ATG13: variants seen among roughly 807,000 people sequenced by gnomAD.
ATG13 encodes the protein autophagy related 13, also known as autophagy-related protein 13.
ATG13 carries 23 observed loss-of-function variants against 65.5 expected under a neutral mutation model. The ratio of observed to expected loss-of-function variants is 0.35; its 90% CI spans 0.25 to 0.50. The LOEUF (loss-of-function observed/expected upper bound fraction) is 0.50, where lower values mean the gene tolerates loss of function less well. Among genes scored for constraint, ATG13 ranks in the 20% least tolerant of loss-of-function variants. The pLI, the probability that ATG13 is intolerant of heterozygous loss-of-function variation, is 0.98. For missense variants in ATG13, 566 were observed against 677.0 expected (o/e 0.84, Z 1.82); for synonymous variants, 252 against 245.2 (o/e 1.03, Z -0.26).
chr11:46,633,537 G>A lies in ATG13; in HGVS notation c.-14+3437G>A, dbSNP rs186271137. 7.3e-3 allele frequency among the ~76,000 whole-genome samples: 1,102 copies of A among 151,894 alleles called. 22 individuals are homozygous for A. Among genetic ancestry groups the A allele is most frequent in the African/African-American group, 0.026 (1,071 of 41,450 alleles). Reference sequence around the variant, plus strand: ...TAATTTTGTATTTTTAGTAGAGACGGGGTTTCGCCGTGTTGGTCAGGCTGG... The same window carrying A: ...TAATTTTGTATTTTTAGTAGAGACGAGGTTTCGCCGTGTTGGTCAGGCTGG... On this transcript the variant is annotated intron_variant, in intron 2 of 18. Coordinates refer to ENST00000683050, the MANE Select transcript of ATG13 (RefSeq NM_001346311.2).
At chr11:46,622,638 C>T (rs1388719095) in intron 1 of ATG13, among the ~76,000 whole-genome samples, 1 of 152,134 alleles carries the variant, frequency 6.6e-6, no homozygotes, top group Non-Finnish European at 1.5e-5. Context: ...TCCATGGTGT[C>T]TGCTGAATCA....
At chr11:46,664,133 G>A (rs750527627) in intron 12 of ATG13, 38 bp downstream of exon 12, 3 of 1,381,546 alleles carry the variant, frequency 2.2e-6, no homozygotes, top group South Asian at 1.2e-5. Context: ...ATAATCAGAT[G>A]GCATCCTTTT....
intron 7 of ATG13, among the ~76,000 whole-genome samples, chr11:46,655,991 G>A (rs2059972843): frequency 6.6e-6 from 1 of 152,156 alleles, no homozygotes; most frequent in Admixed American, 6.6e-5. Context: ...GAAGTGCTGG[G>A]ATCACAGGCA....
At chr11:46,622,092 T>C (rs2047757883) in intron 1 of ATG13, among the ~76,000 whole-genome samples, 1 of 50,322 alleles carries the variant, frequency 2.0e-5, no homozygotes, top group East Asian at 5.8e-4. Context: ...TATATATATA[T>C]ATATATATAT....
chr11:46,644,246 A>G (rs747191082), intron 2 of ATG13, 33 bp from the exon 3 acceptor site: 4 of 1,460,880 alleles, frequency 2.7e-6, no homozygotes, highest in Admixed American at 3.9e-5. Context: ...TTTTAAAGAT[A>G]TTAGTCATAT....
Position 46,669,608 on chromosome 11 carries a change from A to T in ATG13, c.1575+76A>T, listed in dbSNP as rs994117364. 4.0e-6 allele frequency: 6 copies of T among 1,499,182 alleles called. No homozygotes were observed. The African/African-American group carries it at 8.4e-5, about 21-fold the overall frequency. 92.9% of individuals were successfully genotyped at this position (1,499,182 alleles called of 1,614,324 possible). A position where few individuals can be genotyped will look rare whatever the true frequency, so the allele number is the denominator to read the frequency against. ...CCTTTGCCAAAGGCCTAGGAGGCCTACCACCTTCTATCTTCCCTGTAATAG... is the reference window on the plus strand; with the variant it reads ...CCTTTGCCAAAGGCCTAGGAGGCCTTCCACCTTCTATCTTCCCTGTAATAG... On this transcript the variant is annotated intron_variant, in intron 18 of 18. Coordinates refer to ENST00000683050, the MANE Select transcript of ATG13 (RefSeq NM_001346311.2).
chr11:46,617,615 G>A lies in ATG13; in HGVS notation c.-345G>A. On this transcript the variant is annotated 5_prime_UTR_variant, in exon 1 of 19. Coordinates refer to ENST00000683050, the MANE Select transcript of ATG13 (RefSeq NM_001346311.2). ...TGGCGGCGCCGGGAAGCGACCGGCT[G>A]CTGGGCTTAAGGCGGGAGTGACCGC... is the stretch of plus-strand genomic sequence containing the variant. 1 of 348,402 alleles carries A rather than the reference G, an allele frequency of 2.9e-6. No individual in the cohort carries two copies. Among genetic ancestry groups the A allele is most frequent in the Non-Finnish European group, 5.1e-6 (1 of 197,078 alleles). The allele number at this position is 348,402 out of a possible 1,614,324, so 21.6% of individuals were successfully genotyped here. A position where few individuals can be genotyped will look rare whatever the true frequency, so the allele number is the denominator to read the frequency against.
chr11:46,636,159 G>A (rs192670348), intron 2 of ATG13, among the ~76,000 whole-genome samples: 2 of 152,106 alleles, frequency 1.3e-5, no homozygotes, highest in Non-Finnish European at 2.9e-5. Flanking sequence ...TGATCACGGT[G>A]GACTATCCTG....
intron 7 of ATG13, among the ~76,000 whole-genome samples, chr11:46,653,479 T>C (rs1409950906): frequency 6.6e-6 from 1 of 152,004 alleles, no homozygotes; most frequent in African/African-American, 2.4e-5. Flanking sequence ...CAGCTACATT[T>C]CTTTTCTTTC....
intron 2 of ATG13, among the ~76,000 whole-genome samples, chr11:46,636,860 G>C (rs903134933): frequency 4.6e-5 from 7 of 151,748 alleles, no homozygotes; most frequent in African/African-American, 7.3e-5. Flanking sequence ...CCCGAGTAGC[G>C]GGGACTACAG....
intron 2 of ATG13, among the ~76,000 whole-genome samples, chr11:46,631,176 A>ATATG (rs777435926): frequency 2.6e-5 from 4 of 152,164 alleles, no homozygotes; most frequent in East Asian, 1.9e-4. Context: ...GTAGAACCCT[A>ATATG]TATGTATGTA....
At chr11:46,618,219 A>G (rs2045981274) in intron 1 of ATG13, 1 of 241,300 alleles carries the variant, frequency 4.1e-6, no homozygotes, top group East Asian at 7.8e-5. Context: ...TTTTCATTCA[A>G]TCAAGATTTG....
At chr11:46,647,918 T>G (rs2058054020) in intron 5 of ATG13, among the ~76,000 whole-genome samples, 2 of 152,042 alleles carry the variant, frequency 1.3e-5, no homozygotes, top group South Asian at 4.1e-4. Context: ...GCCTGTATTG[T>G]GAGTTTTAAA....
chr11:46,650,440 C>T, intron 7 of ATG13, 123 bp downstream of exon 7: 2 of 1,319,070 alleles, frequency 1.5e-6, no homozygotes, highest in Admixed American at 4.2e-5. Flanking sequence ...ATTATTGATG[C>T]TGTCGCTTTC....
At chr11:46,653,627 T>C (rs1272671420) in intron 7 of ATG13, among the ~76,000 whole-genome samples, 2 of 151,830 alleles carry the variant, frequency 1.3e-5, no homozygotes, top group Non-Finnish European at 2.9e-5. Flanking sequence ...TGGAGTACAA[T>C]GGCACAATCT....
At chr11:46,643,887 C>T (rs1156303924) in intron 2 of ATG13, among the ~76,000 whole-genome samples, 2 of 152,074 alleles carry the variant, frequency 1.3e-5, no homozygotes, top group East Asian at 3.8e-4. Flanking sequence ...CCATAACTCC[C>T]CAAAGTTAAA....
At chr11:46,630,398 A>G (rs2051261487) in intron 2 of ATG13, among the ~76,000 whole-genome samples, 1 of 152,178 alleles carries the variant, frequency 6.6e-6, no homozygotes, top group South Asian at 2.1e-4. Flanking sequence ...CTCCAGATTC[A>G]GAAATACCAA....
At chr11:46,628,946 T>C (rs2050683265) in intron 1 of ATG13, among the ~76,000 whole-genome samples, 1 of 151,792 alleles carries the variant, frequency 6.6e-6, no homozygotes, top group African/African-American at 2.4e-5. Flanking sequence ...TTCTTTTTTT[T>C]TTTTTTTGGA....
rs1426771311 is a variant in ATG13, at chr11:46,659,388, T to G, written c.696-4T>G. The G allele has an allele frequency of 1.2e-6, 2 of 1,608,456 alleles. No individual in the cohort carries two copies. Among genetic ancestry groups the G allele is most frequent in the Non-Finnish European group, 1.7e-6 (2 of 1,175,194 alleles). ...AATTCATTATTTCTTTCTTTTCACT[T>G]TAGAACTGCTGGTGAGGACACTGGA... is the stretch of plus-strand genomic sequence containing the variant. On this transcript the variant is annotated splice_polypyrimidine_tract_variant and splice_region_variant and intron_variant, in intron 10 of 18. Transcript: ENST00000683050.
Sources: gnomAD v4.1 joint callset for allele counts (sites outside exome capture counted in the v4.1 genomes callset) on GRCh38, gnomAD v4.1.1 for gene constraint, MANE v1.5 for transcripts, NCBI Gene and HGNC (gene_info 2026-07-23, HGNC 2026-07-21) for gene names.